CACNG2: variants seen among roughly 807,000 people sequenced by gnomAD.
CACNG2 encodes the protein calcium voltage-gated channel auxiliary subunit gamma 2.
In CACNG2, 3 loss-of-function variants were observed where a neutral mutation model predicts 25.9. The observed-to-expected ratio is 0.12, with a 90% CI of 0.05 to 0.30. The LOEUF (loss-of-function observed/expected upper bound fraction) is 0.30, where lower values mean the gene tolerates loss of function less well. Ranked by LOEUF, CACNG2 falls within the 10% of genes least tolerant of loss-of-function variation. The pLI, the probability that CACNG2 is intolerant of heterozygous loss-of-function variation, is 1.00. For missense variants in CACNG2, 341 were observed against 432.5 expected (o/e 0.79, Z 1.88); for synonymous variants, 167 against 173.3 (o/e 0.96, Z 0.29).
intron 1 of CACNG2, among the ~76,000 whole-genome samples, chr22:36,680,045 TCAG>T (rs1937077922): frequency 6.8e-6 from 1 of 147,674 alleles, no homozygotes; most frequent in South Asian, 2.2e-4. Flanking sequence ...ACCACCACCA[TCAG>T]CATCACTACC....
chr22:36,626,754 G>C (rs2145954579), intron 1 of CACNG2, among the ~76,000 whole-genome samples: 1 of 152,212 alleles, frequency 6.6e-6, no homozygotes, highest in East Asian at 1.9e-4. Flanking sequence ...AAGCAGAAAA[G>C]TCCCAGTTGA....
intron 1 of CACNG2, among the ~76,000 whole-genome samples, chr22:36,679,798 G>C (rs1458709569): frequency 1.3e-5 from 2 of 152,132 alleles, no homozygotes; most frequent in African/African-American, 4.8e-5. Flanking sequence ...AATAGTTGTT[G>C]TTTTGAAAAA....
intron 1 of CACNG2, among the ~76,000 whole-genome samples, chr22:36,655,652 CTTTCTTTCT>C (rs1295997876): frequency 6.7e-6 from 1 of 150,104 alleles, no homozygotes; most frequent in Admixed American, 6.6e-5. Context: ...TCACTTAAGA[CTTTCTTTCT>C]TTTCTTTCTT....
rs561089426 is a variant in CACNG2, at chr22:36,599,521, G to A, written c.212-11973C>T. Among the ~76,000 whole-genome samples, 19 of 152,054 alleles carry A rather than the reference G, an allele frequency of 1.2e-4. No homozygotes were observed. In the South Asian group the frequency reaches 3.5e-3, roughly 28 times the overall value. The stretch of plus-strand genomic sequence containing the variant: ...TCCAACCCAGCCTGGGCAACATGGC[G>A]AAATCCTGTCTCTACAAAAAAATAA... On this transcript the variant is annotated intron_variant, in intron 1 of 3. Coordinates refer to ENST00000300105, the MANE Select transcript of CACNG2 (RefSeq NM_006078.5).
intron 1 of CACNG2, among the ~76,000 whole-genome samples, chr22:36,674,393 A>G (rs926445039): frequency 2.0e-5 from 3 of 151,920 alleles, no homozygotes; most frequent in Non-Finnish European, 2.9e-5. Context: ...TAGTGGCACT[A>G]TCTCGGCTCA....
chr22:36,566,068 G>T (rs1285345470), intron 3 of CACNG2, among the ~76,000 whole-genome samples: 1 of 152,230 alleles, frequency 6.6e-6, no homozygotes, highest in African/African-American at 2.4e-5. Context: ...AGGGTAAGTG[G>T]CAATTGGCCA....
chr22:36,659,429 G>A (rs974864477), intron 1 of CACNG2, among the ~76,000 whole-genome samples: 2 of 152,108 alleles, frequency 1.3e-5, no homozygotes, highest in Non-Finnish European at 2.9e-5. Flanking sequence ...TGAACACTGT[G>A]CTGTTTCACG....
At chr22:36,643,544 A>C (rs929589917) in intron 1 of CACNG2, among the ~76,000 whole-genome samples, 8 of 151,938 alleles carry the variant, frequency 5.3e-5, no homozygotes, top group African/African-American at 1.9e-4. Flanking sequence ...CAGTGACCTG[A>C]AATGACACAG....
intron 3 of CACNG2, 108 bp downstream of exon 3, chr22:36,566,245 A>G: frequency 8.6e-7 from 1 of 1,161,396 alleles, no homozygotes; most frequent in Non-Finnish European, 1.3e-6. Context: ...CAAGTCTTGG[A>G]GATTTCCTCT....
Position 36,701,788 on chromosome 22 carries a change from A to G in CACNG2, c.211+578T>C, listed in dbSNP as rs549121091. Reference sequence around the variant, plus strand: ...CGAGTGATATGTGTGGCTCATAGACATTACGAAATGCTCTTGAACTCAGCT... The same window carrying G: ...CGAGTGATATGTGTGGCTCATAGACGTTACGAAATGCTCTTGAACTCAGCT... On this transcript the variant is annotated intron_variant, in intron 1 of 3. Coordinates refer to ENST00000300105, the MANE Select transcript of CACNG2 (RefSeq NM_006078.5). Among the ~76,000 whole-genome samples the G allele has an allele frequency of 2.6e-4, 39 of 152,330 alleles. No individual in the cohort carries two copies. The East Asian group carries it at 7.1e-3, about 28-fold the overall frequency.
At chr22:36,680,222 CCACCACCATCAT>C (rs1352832929) in intron 1 of CACNG2, among the ~76,000 whole-genome samples, 2 of 151,102 alleles carry the variant, frequency 1.3e-5, no homozygotes, top group East Asian at 3.9e-4. Context: ...ACCACCACTA[CCACCACCATCAT>C]CACCACCACC....
chr22:36,582,784 G>T (rs1465305095), intron 2 of CACNG2, among the ~76,000 whole-genome samples: 2 of 151,132 alleles, frequency 1.3e-5, no homozygotes, highest in African/African-American at 2.4e-5. Flanking sequence ...TCCCCATAGG[G>T]CTTATCTTAG....
In CACNG2 at chr22:36,631,695, A is replaced by C. The variant is rs151204308; in HGVS notation, c.212-44147T>G. Among the ~76,000 whole-genome samples, 538 of 151,980 alleles carry C rather than the reference A, an allele frequency of 3.5e-3. 7 individuals carry two copies. Among genetic ancestry groups the C allele is most frequent in the African/African-American group, 0.012 (511 of 41,384 alleles). ...CTCTCAGCCTCAGGATAGCAAGAGAAACAGGCAAACTAGCTGGAACTGCCC... is the reference window on the plus strand; with the variant it reads ...CTCTCAGCCTCAGGATAGCAAGAGACACAGGCAAACTAGCTGGAACTGCCC... On this transcript the variant is annotated intron_variant, in intron 1 of 3. Transcript: ENST00000300105.
chr22:36,615,099 G>A (rs1187727552), intron 1 of CACNG2, among the ~76,000 whole-genome samples: 1 of 152,162 alleles, frequency 6.6e-6, no homozygotes, highest in Non-Finnish European at 1.5e-5. Context: ...GCCCATCCAG[G>A]GCTTTGGCTT....
At chr22:36,587,259 C>T (rs1439429743) in intron 2 of CACNG2, among the ~76,000 whole-genome samples, 1 of 152,116 alleles carries the variant, frequency 6.6e-6, no homozygotes. Context: ...AGGAGTTTGC[C>T]AGACAAAGAC....
At chr22:36,700,332 C>T (rs1421086618) in intron 1 of CACNG2, among the ~76,000 whole-genome samples, 1 of 152,216 alleles carries the variant, frequency 6.6e-6, no homozygotes. Flanking sequence ...AAAGCTACCT[C>T]TAGTCTGTTT....
chr22:36,596,864 C>CCT (rs1935685904), intron 1 of CACNG2, among the ~76,000 whole-genome samples: 1 of 151,698 alleles, frequency 6.6e-6, no homozygotes, highest in South Asian at 2.1e-4. Flanking sequence ...CTCAAGAGAT[C>CCT]CTCCCACCTC....
At chr22:36,627,804 G>T (rs920462833) in intron 1 of CACNG2, among the ~76,000 whole-genome samples, 1 of 151,762 alleles carries the variant, frequency 6.6e-6, no homozygotes, top group Non-Finnish European at 1.5e-5. Flanking sequence ...TCTGATTTTC[G>T]AATTTTAGAC....
intron 1 of CACNG2, among the ~76,000 whole-genome samples, chr22:36,599,945 T>A (rs1603501291): frequency 6.6e-6 from 1 of 152,034 alleles, no homozygotes; most frequent in Non-Finnish European, 1.5e-5. Context: ...CAGCTGGAGG[T>A]GGTCATGTGA....
Sources: allele counts gnomAD v4.1 joint callset (sites outside exome capture counted in the v4.1 genomes callset), GRCh38; gene constraint gnomAD v4.1.1; transcripts MANE v1.5; gene names NCBI Gene and HGNC (gene_info 2026-07-23, HGNC 2026-07-21).